The following LRRC4C variants were observed in gnomAD, a reference collection of about 807,000 sequenced individuals.
The protein encoded by LRRC4C is leucine rich repeat containing 4C.
A neutral mutation model predicts 33.6 loss-of-function variants in LRRC4C; 5 were observed. That is an observed-to-expected ratio of 0.15 (90% confidence interval 0.08 to 0.31). LRRC4C has a LOEUF of 0.31. Ranked by LOEUF, LRRC4C falls within the 10% of genes least tolerant of loss-of-function variation. The pLI is 1.00. For synonymous variants in LRRC4C, 329 were observed against 302.0 expected, an observed-to-expected ratio of 1.09 and a Z score of -0.93; for missense variants, 560 against 796.7, an observed-to-expected ratio of 0.70 and a Z score of 3.58.
intron 2 of LRRC4C, among the ~76,000 whole-genome samples, chr11:40,883,722 G>T (rs1955297721): frequency 6.6e-6 from 1 of 151,674 alleles, no homozygotes; most frequent in African/African-American, 2.4e-5. Flanking sequence ...CAGGGAAAAT[G>T]TCATTTTTCT....
chr11:41,424,864 A>G (rs1276496784), intron 1 of LRRC4C, among the ~76,000 whole-genome samples: 1 of 152,058 alleles, frequency 6.6e-6, no homozygotes, highest in Non-Finnish European at 1.5e-5. Flanking sequence ...TTGAAAATTT[A>G]TACAGATAGT....
intron 1 of LRRC4C, among the ~76,000 whole-genome samples, chr11:41,266,970 C>T (rs1312115051): frequency 6.6e-6 from 1 of 152,110 alleles, no homozygotes; most frequent in Non-Finnish European, 1.5e-5. Context: ...AAGTGCTATA[C>T]AAGGCAATAT....
chr11:41,413,890 A>G (rs1161978597), intron 1 of LRRC4C, among the ~76,000 whole-genome samples: 4 of 152,186 alleles, frequency 2.6e-5, no homozygotes, highest in Non-Finnish European at 5.9e-5. Flanking sequence ...AAATATCACA[A>G]CGGAGCTATG....
At chr11:41,247,207 C>A (rs78446562) in intron 1 of LRRC4C, among the ~76,000 whole-genome samples, 2,474 of 152,258 alleles carry the variant, frequency 0.016, 66 homozygotes, top group African/African-American at 0.057. Context: ...GGAAAGAAAG[C>A]TCTTAGTTTG....
intron 3 of LRRC4C, among the ~76,000 whole-genome samples, chr11:40,385,497 C>G (rs1275516809): frequency 6.6e-6 from 1 of 151,950 alleles, no homozygotes; most frequent in Non-Finnish European, 1.5e-5. Flanking sequence ...ATTGCGTACA[C>G]ATGGAAATAA....
At chr11:40,740,173 TACCCAGA>T (rs1948090404) in intron 2 of LRRC4C, among the ~76,000 whole-genome samples, 1 of 151,998 alleles carries the variant, frequency 6.6e-6, no homozygotes, top group African/African-American at 2.4e-5. Flanking sequence ...TTTGGATATA[TACCCAGA>T]AGTAGGATTC....
In LRRC4C at chr11:40,336,970, T is replaced by C. The variant is rs542020128; in HGVS notation, c.-269-17249A>G. On this transcript the variant is annotated intron_variant, in intron 3 of 6. Coordinates refer to ENST00000528697, the MANE Select transcript of LRRC4C (RefSeq NM_001258419.2). ...CCAGCCTGGGGGACAGAGCGAGACT[T>C]CGTCTCAAAAAAAAAAAAAAAAAAA... 3.8e-3 allele frequency among the ~76,000 whole-genome samples: 387 copies of C among 102,128 alleles called. 3 individuals are homozygous for C. Among genetic ancestry groups the C allele is most frequent in the South Asian group, 0.027 (86 of 3,240 alleles). The allele number at this position is 102,128 out of a possible 152,430, so 67.0% of individuals were successfully genotyped here.
chr11:40,978,756 G>A (rs1232031656), intron 1 of LRRC4C, among the ~76,000 whole-genome samples: 2 of 151,462 alleles, frequency 1.3e-5, no homozygotes, highest in African/African-American at 4.9e-5. Context: ...CTAGTAGCTG[G>A]GATTGCAGGT....
At chr11:40,203,199 C>T (rs952500586) in intron 5 of LRRC4C, among the ~76,000 whole-genome samples, 1 of 152,080 alleles carries the variant, frequency 6.6e-6, no homozygotes, top group Non-Finnish European at 1.5e-5. Flanking sequence ...AGTTCACCCA[C>T]CTTCAATTCC....
chr11:41,153,353 A>C (rs1164534324), intron 1 of LRRC4C, among the ~76,000 whole-genome samples: 5 of 152,154 alleles, frequency 3.3e-5, no homozygotes, highest in African/African-American at 1.2e-4. Context: ...GCATCCCTAG[A>C]ACACAGTACA....
At chr11:41,369,395 G>C (rs999969041) in intron 1 of LRRC4C, among the ~76,000 whole-genome samples, 1 of 151,944 alleles carries the variant, frequency 6.6e-6, no homozygotes, top group Non-Finnish European at 1.5e-5. Flanking sequence ...GAGGGTAGAG[G>C]GTGAGAGCAG....
At chr11:40,678,905 A>G (rs532718516) in intron 2 of LRRC4C, among the ~76,000 whole-genome samples, 6 of 152,258 alleles carry the variant, frequency 3.9e-5, no homozygotes, top group Admixed American at 2.0e-4. Context: ...ATGTGGAAGC[A>G]ACTTTGGAAC....
chr11:41,294,293 T>C (rs1950076243), intron 1 of LRRC4C, among the ~76,000 whole-genome samples: 1 of 152,038 alleles, frequency 6.6e-6, no homozygotes, highest in Admixed American at 6.6e-5. Context: ...CTCTGAAAAA[T>C]CCAGGTCACA....
intron 3 of LRRC4C, among the ~76,000 whole-genome samples, chr11:40,470,907 G>A (rs544756182): frequency 8.5e-5 from 13 of 152,296 alleles, no homozygotes; most frequent in African/African-American, 3.1e-4. Context: ...AGCTACATTT[G>A]ATTGGTATAC....
chr11:40,246,547 C>A (rs7125624), intron 4 of LRRC4C, among the ~76,000 whole-genome samples: 1 of 151,894 alleles, frequency 6.6e-6, no homozygotes, highest in African/African-American at 2.4e-5. Context: ...CTTCTATTAG[C>A]GGCAGAAATA....
At position 40,640,965 on chromosome 11, in the gene LRRC4C, T is replaced by G. The variant is rs183221812; in HGVS notation, c.-270+7177A>C. 9.4e-3 allele frequency among the ~76,000 whole-genome samples: 1,273 copies of G among 135,252 alleles called. 12 individuals carry two copies. Among genetic ancestry groups the G allele is most frequent in the Admixed American group, 0.017 (187 of 11,296 alleles). The allele number at this position is 135,252 out of a possible 152,430, so 88.7% of individuals were successfully genotyped here. ...TGGGAGGCGGAGCTTGCAGTGAGCC[T>G]AGATTGCGCCACTGCACTCCAGCCC... On this transcript the variant is annotated intron_variant, in intron 3 of 6. Coordinates refer to ENST00000528697, the MANE Select transcript of LRRC4C (RefSeq NM_001258419.2).
chr11:40,459,343 T>A (rs1315306176), intron 3 of LRRC4C, among the ~76,000 whole-genome samples: 1 of 152,186 alleles, frequency 6.6e-6, no homozygotes, highest in Non-Finnish European at 1.5e-5. Context: ...AGCATCATTG[T>A]ACTCCTTCCC....
chr11:40,873,461 C>A (rs1326449676), intron 2 of LRRC4C, among the ~76,000 whole-genome samples: 1 of 152,114 alleles, frequency 6.6e-6, no homozygotes, highest in Non-Finnish European at 1.5e-5. Context: ...GCTGTACTCA[C>A]AATTTGCAAA....
At chr11:40,838,706 A>C (rs1490746421) in intron 2 of LRRC4C, among the ~76,000 whole-genome samples, 1 of 151,944 alleles carries the variant, frequency 6.6e-6, no homozygotes, top group Non-Finnish European at 1.5e-5. Context: ...ACACATAAGT[A>C]TTTATATATA....
Sources: allele counts gnomAD v4.1 joint callset (sites outside exome capture counted in the v4.1 genomes callset), GRCh38; gene constraint gnomAD v4.1.1; transcripts MANE v1.5; gene names NCBI Gene and HGNC (gene_info 2026-07-23, HGNC 2026-07-21).